Variants in ROBO2 observed in about 807,000 individuals in gnomAD.
ROBO2 encodes the protein roundabout guidance receptor 2.
ROBO2 carries 53 observed loss-of-function variants against 160.8 expected under a neutral mutation model. The ratio of observed to expected loss-of-function variants is 0.33; its 90% confidence interval spans 0.26 to 0.41. The LOEUF (loss-of-function observed/expected upper bound fraction) is 0.41. Ranked by LOEUF, ROBO2 falls within the 10% of genes least tolerant of loss-of-function variation. The pLI, the probability that ROBO2 is intolerant of heterozygous loss-of-function variation, is 1.00. For missense variants in ROBO2, 1,577 were observed against 1,722.4 expected, an observed-to-expected ratio of 0.92 and a Z score of 1.49; for synonymous variants, 664 against 611.7, an observed-to-expected ratio of 1.09 and a Z score of -1.26.
At chr3:76,590,894 G>T (rs1247129437) in intron 2 of ROBO2, among the ~76,000 whole-genome samples, 4 of 152,016 alleles carry the variant, frequency 2.6e-5, no homozygotes, top group Admixed American at 2.0e-4. Flanking sequence ...CCTTCGTTTT[G>T]TTATCAACTG....
At chr3:76,917,774 A>C (rs1475611213) in intron 2 of ROBO2, among the ~76,000 whole-genome samples, 3 of 148,854 alleles carry the variant, frequency 2.0e-5, no homozygotes, top group African/African-American at 7.4e-5. Flanking sequence ...TCTTAAGCTC[A>C]GAGTTTTATT....
chr3:76,324,673 G>T (rs546613204), intron 2 of ROBO2, among the ~76,000 whole-genome samples: 6 of 151,770 alleles, frequency 4.0e-5, no homozygotes, highest in South Asian at 2.1e-4. Flanking sequence ...ATGAGTAAAA[G>T]AATTTTTTCT....
At chr3:77,250,950 A>G (rs1339764400) in intron 2 of ROBO2, among the ~76,000 whole-genome samples, 1 of 152,116 alleles carries the variant, frequency 6.6e-6, no homozygotes, top group Non-Finnish European at 1.5e-5. Flanking sequence ...AAGTTTCTAT[A>G]ACATAAACTT....
chr3:76,693,436 CTCTA>C (rs1411403310), intron 2 of ROBO2, among the ~76,000 whole-genome samples: 3 of 138,536 alleles, frequency 2.2e-5, no homozygotes, highest in African/African-American at 9.4e-5. Flanking sequence ...TAGATACACA[CTCTA>C]TATATGTGTA....
At chr3:77,367,322 A>G (rs898746637) in intron 2 of ROBO2, among the ~76,000 whole-genome samples, 1 of 152,154 alleles carries the variant, frequency 6.6e-6, no homozygotes, top group Non-Finnish European at 1.5e-5. Flanking sequence ...GGAAATGATT[A>G]GAGTATTGCT....
intron 2 of ROBO2, among the ~76,000 whole-genome samples, chr3:77,370,026 A>G (rs1210238380): frequency 3.3e-5 from 5 of 152,218 alleles, no homozygotes; most frequent in African/African-American, 9.6e-5. Context: ...GAGTGATGCA[A>G]GTCAGATTTA....
chr3:76,507,678 T>A (rs1291661885), intron 2 of ROBO2, among the ~76,000 whole-genome samples: 1 of 152,068 alleles, frequency 6.6e-6, no homozygotes, highest in Non-Finnish European at 1.5e-5. Flanking sequence ...CCCTACGAGA[T>A]AAGTACTGTC....
intron 2 of ROBO2, among the ~76,000 whole-genome samples, chr3:76,478,198 T>G (rs866763467): frequency 0.013 from 1,203 of 92,640 alleles, 14 homozygotes; most frequent in Middle Eastern, 0.044. Flanking sequence ...CCCACAACAG[T>G]CCCCAGAGTG....
intron 2 of ROBO2, among the ~76,000 whole-genome samples, chr3:76,492,575 G>A (rs2079895349): frequency 6.6e-6 from 1 of 151,984 alleles, no homozygotes; most frequent in South Asian, 2.1e-4. Flanking sequence ...AAAAAAACAG[G>A]GAGGAAAAAT....
chr3:76,036,868 A>G (rs549282289), intron 2 of ROBO2, among the ~76,000 whole-genome samples: 8 of 151,908 alleles, frequency 5.3e-5, no homozygotes, highest in Non-Finnish European at 5.9e-5. Flanking sequence ...GTAGATCTCT[A>G]TTCACCTCGA....
chr3:76,091,891 A>G (rs1274047242), intron 2 of ROBO2, among the ~76,000 whole-genome samples: 2 of 152,208 alleles, frequency 1.3e-5, no homozygotes, highest in African/African-American at 2.4e-5. Flanking sequence ...AGAGATAGTA[A>G]AAAAAGATCA....
intron 2 of ROBO2, among the ~76,000 whole-genome samples, chr3:77,267,040 T>C (rs1169826228): frequency 4.6e-5 from 7 of 152,204 alleles, no homozygotes; most frequent in Non-Finnish European, 4.4e-5. Flanking sequence ...ACATATTTTT[T>C]CCTCTTTCAG....
chr3:77,293,302 T>C (rs978935623), intron 2 of ROBO2, among the ~76,000 whole-genome samples: 1 of 148,090 alleles, frequency 6.8e-6, no homozygotes, highest in African/African-American at 2.5e-5. Flanking sequence ...TAAAGTAAAA[T>C]TGATGGTTAA....
At chr3:76,124,365 A>T (rs2070880913) in intron 2 of ROBO2, among the ~76,000 whole-genome samples, 1 of 151,956 alleles carries the variant, frequency 6.6e-6, no homozygotes, top group Non-Finnish European at 1.5e-5. Flanking sequence ...TCTATCTAGT[A>T]CTCTATACTC....
chr3:76,265,268 A>G (rs1446578422), intron 2 of ROBO2, among the ~76,000 whole-genome samples: 1 of 151,154 alleles, frequency 6.6e-6, no homozygotes, highest in Non-Finnish European at 1.5e-5. Flanking sequence ...AATACAAAAC[A>G]CTCATCTTCG....
At chr3:76,655,750 AAGGAAGGAAGG>A (rs1201169822) in intron 2 of ROBO2, among the ~76,000 whole-genome samples, 2 of 148,208 alleles carry the variant, frequency 1.3e-5, no homozygotes, top group African/African-American at 5.0e-5. Context: ...GGGAGGAAAG[AAGGAAGGAAGG>A]AAGGAAAGAA....
chr3:76,584,698 T>C (rs1444397122), intron 2 of ROBO2, among the ~76,000 whole-genome samples: 1 of 152,154 alleles, frequency 6.6e-6, no homozygotes, highest in Non-Finnish European at 1.5e-5. Context: ...TGGTACTTTG[T>C]TATGGCAGTC....
At chr3:76,626,604 A>G (rs1216520774) in intron 2 of ROBO2, among the ~76,000 whole-genome samples, 3 of 152,252 alleles carry the variant, frequency 2.0e-5, no homozygotes, top group Admixed American at 2.0e-4. Flanking sequence ...TTACAGTGAT[A>G]ACAGCAATAA....
At chr3:76,839,619 CA>C (rs1490803093) in intron 2 of ROBO2, among the ~76,000 whole-genome samples, 1 of 152,126 alleles carries the variant, frequency 6.6e-6, no homozygotes, top group Non-Finnish European at 1.5e-5. Flanking sequence ...TATTGGCCTG[CA>C]GTTTTCTTTT....
Sources: allele counts gnomAD v4.1 joint callset (sites outside exome capture counted in the v4.1 genomes callset), GRCh38; gene constraint gnomAD v4.1.1; transcripts MANE v1.5; gene names NCBI Gene and HGNC (gene_info 2026-07-23, HGNC 2026-07-21).